Variants in SLC25A26 observed in about 807,000 individuals in gnomAD.
SLC25A26 encodes mitochondrial S-adenosylmethionine carrier protein.
In SLC25A26, 36 loss-of-function variants were observed where a neutral mutation model predicts 37.8. The observed-to-expected ratio is 0.95, with a 90% CI of 0.73 to 1.26. The LOEUF is 1.26. Ranked by LOEUF, SLC25A26 falls within the 50% of genes most tolerant of loss-of-function variation. The probability of loss-of-function intolerance (pLI) is 0.00; values close to 1 mark genes in which losing one functional copy is unlikely to be tolerated. For missense variants in SLC25A26, 390 were observed against 331.1 expected, an observed-to-expected ratio of 1.18 and a Z score of -1.38; for synonymous variants, 129 against 122.5, an observed-to-expected ratio of 1.05 and a Z score of -0.35.
chr3:66,204,019 GTTTA>G (rs2071141753), intron 1 of SLC25A26, among the ~76,000 whole-genome samples: 1 of 152,198 alleles, frequency 6.6e-6, no homozygotes, highest in Non-Finnish European at 1.5e-5. Context: ...ATTCTATGCA[GTTTA>G]TTTACCTTCT....
chr3:66,272,418 G>A (rs1291012011), intron 5 of SLC25A26, among the ~76,000 whole-genome samples: 17 of 152,080 alleles, frequency 1.1e-4, no homozygotes, highest in Admixed American at 1.0e-3. Context: ...TTAGATAGGC[G>A]TTAGTGCCAG....
intron 6 of SLC25A26, among the ~76,000 whole-genome samples, chr3:66,347,906 A>G (rs1575595251): frequency 1.3e-5 from 2 of 152,346 alleles, no homozygotes; most frequent in South Asian, 2.1e-4. Context: ...GTTCTCACTT[A>G]TAAGTGGGAG....
At chr3:66,154,763 T>C (rs1169487629) in intron 1 of SLC25A26, among the ~76,000 whole-genome samples, 2 of 152,150 alleles carry the variant, frequency 1.3e-5, no homozygotes, top group Non-Finnish European at 2.9e-5. Flanking sequence ...ATTACAGGCA[T>C]AAGCCACAGC....
At chr3:66,321,276 T>G (rs2075686390) in intron 5 of SLC25A26, among the ~76,000 whole-genome samples, 1 of 152,132 alleles carries the variant, frequency 6.6e-6, no homozygotes, top group Admixed American at 6.5e-5. Context: ...TGATGCATGC[T>G]AACGTTTAAA....
At chr3:66,240,459 T>G (rs955082593) in intron 2 of SLC25A26, among the ~76,000 whole-genome samples, 1 of 152,034 alleles carries the variant, frequency 6.6e-6, no homozygotes, top group African/African-American at 2.4e-5. Context: ...GGCTAATTAT[T>G]TATTTTTTTG....
chr3:66,264,854 C>A (rs2073681643), intron 5 of SLC25A26, among the ~76,000 whole-genome samples: 2 of 152,168 alleles, frequency 1.3e-5, no homozygotes, highest in South Asian at 4.1e-4. Flanking sequence ...CCTGGCACTG[C>A]AGGTGATTCA....
intron 6 of SLC25A26, among the ~76,000 whole-genome samples, chr3:66,347,656 TATAAAG>T (rs2076356655): frequency 6.6e-6 from 1 of 152,238 alleles, no homozygotes; most frequent in Admixed American, 6.5e-5. Context: ...ATCATTCTGT[TATAAAG>T]ATACATACAT....
intron 1 of SLC25A26, among the ~76,000 whole-genome samples, chr3:66,159,878 C>A (rs1352672075): frequency 6.6e-6 from 1 of 152,112 alleles, no homozygotes; most frequent in African/African-American, 2.4e-5. Context: ...TCATGACACC[C>A]CACTGTAACT....
At chr3:66,361,541 C>A (rs543917581) in intron 6 of SLC25A26, among the ~76,000 whole-genome samples, 1 of 152,292 alleles carries the variant, frequency 6.6e-6, no homozygotes, top group African/African-American at 2.4e-5. Context: ...TCTTAAAATG[C>A]AGTCATTGAG....
At chr3:66,159,091 A>T (rs1321481520) in intron 1 of SLC25A26, among the ~76,000 whole-genome samples, 3 of 152,178 alleles carry the variant, frequency 2.0e-5, no homozygotes, top group African/African-American at 7.2e-5. Context: ...TTCCAAGAAG[A>T]GGCCATGATG....
At chr3:66,323,064 C>A (rs2075739354) in intron 5 of SLC25A26, among the ~76,000 whole-genome samples, 1 of 149,056 alleles carries the variant, frequency 6.7e-6, no homozygotes. Flanking sequence ...TAGGAATGTA[C>A]TATAGTAGCT....
intron 5 of SLC25A26, among the ~76,000 whole-genome samples, chr3:66,335,012 A>C (rs1487075440): frequency 6.6e-6 from 1 of 152,246 alleles, no homozygotes; most frequent in African/African-American, 2.4e-5. Flanking sequence ...GCTGATATAA[A>C]TGAACTGTTG....
At chr3:66,310,327 CT>C (rs1277197539) in intron 5 of SLC25A26, among the ~76,000 whole-genome samples, 2 of 151,890 alleles carry the variant, frequency 1.3e-5, no homozygotes, top group Non-Finnish European at 2.9e-5. Flanking sequence ...GCAACCCCTG[CT>C]TTTTTTTGCT....
At chr3:66,255,945 C>T (rs1165897736) in intron 3 of SLC25A26, among the ~76,000 whole-genome samples, 2 of 152,098 alleles carry the variant, frequency 1.3e-5, no homozygotes, top group Non-Finnish European at 2.9e-5. Context: ...ATCGGAGAGG[C>T]TTTTCAAAGT....
At chr3:66,310,652 GC>G (rs1465929168) in intron 5 of SLC25A26, among the ~76,000 whole-genome samples, 1 of 152,136 alleles carries the variant, frequency 6.6e-6, no homozygotes, top group Non-Finnish European at 1.5e-5. Context: ...TCCATATTTA[GC>G]ACTTCCTTCA....
At chr3:66,225,169 C>T (rs1023876085) in intron 1 of SLC25A26, among the ~76,000 whole-genome samples, 5 of 152,138 alleles carry the variant, frequency 3.3e-5, no homozygotes, top group Non-Finnish European at 7.4e-5. Context: ...CTGGGGCAGC[C>T]ACATTTCCCT....
At chr3:66,293,446 C>T (rs1164998118) in intron 5 of SLC25A26, among the ~76,000 whole-genome samples, 1 of 149,098 alleles carries the variant, frequency 6.7e-6, no homozygotes, top group African/African-American at 2.5e-5. Context: ...AGACTTGTGT[C>T]ATGGAGGTTT....
At chr3:66,342,212 G>T (rs2076224935) in intron 5 of SLC25A26, among the ~76,000 whole-genome samples, 1 of 152,052 alleles carries the variant, frequency 6.6e-6, no homozygotes, top group African/African-American at 2.4e-5. Context: ...CCAATTCCAT[G>T]CTGTTCTTCA....
At chr3:66,289,028 A>G (rs1442484629) in intron 5 of SLC25A26, among the ~76,000 whole-genome samples, 1 of 152,140 alleles carries the variant, frequency 6.6e-6, no homozygotes, top group Non-Finnish European at 1.5e-5. Context: ...TCTATCTGGC[A>G]TGAGATGGTA....
Sources: allele counts gnomAD v4.1 joint callset (sites outside exome capture counted in the v4.1 genomes callset), GRCh38; gene constraint gnomAD v4.1.1; transcripts MANE v1.5; gene names NCBI Gene and HGNC (gene_info 2026-07-23, HGNC 2026-07-21).